RBM25: variants seen among roughly 807,000 people sequenced by gnomAD.
RBM25 encodes RNA binding motif protein 25, also known as RNA-binding protein 25.
In RBM25, 19 loss-of-function variants were observed where a neutral mutation model predicts 120.7. The observed-to-expected ratio is 0.16, with a 90% confidence interval of 0.11 to 0.23. RBM25 has a LOEUF of 0.23. Among genes scored for constraint, RBM25 ranks in the 10% least tolerant of loss-of-function variants. The pLI, the probability that RBM25 is intolerant of heterozygous loss-of-function variation, is 1.00. For synonymous variants in RBM25, 390 were observed against 326.7 expected (o/e 1.19, Z -2.09); for missense variants, 605 against 1,041.5 (o/e 0.58, Z 5.77).
At chr14:73,079,741 G>A (rs188681072) in intron 4 of RBM25, among the ~76,000 whole-genome samples, 1 of 150,824 alleles carries the variant, frequency 6.6e-6, no homozygotes, top group African/African-American at 2.4e-5. Context: ...TGGATCTCCT[G>A]GGCACTCTGT....
rs536882441 is a variant in RBM25 at position 73,092,998 on chromosome 14, C to G, written c.544-3917C>G. 3.7e-4 allele frequency among the ~76,000 whole-genome samples: 56 copies of G among 152,266 alleles called. 1 individual carries two copies. In the South Asian group the frequency reaches 7.3e-3, roughly 20 times the overall value. ...TTTTCTTTCCATTTCTTATTGACCTCTAGTAGTAAAGTATTCCATGTGAGG... is the reference window on the plus strand; with the variant it reads ...TTTTCTTTCCATTTCTTATTGACCTGTAGTAGTAAAGTATTCCATGTGAGG... On this transcript the variant is annotated intron_variant, in intron 6 of 18. Coordinates refer to ENST00000261973, the MANE Select transcript of RBM25 (RefSeq NM_021239.3).
At chr14:73,077,143 T>C (rs1895441951) in intron 3 of RBM25, among the ~76,000 whole-genome samples, 1 of 152,224 alleles carries the variant, frequency 6.6e-6, no homozygotes, top group South Asian at 2.1e-4. Context: ...TTTTTGTTTC[T>C]TTTTTAAGAA....
intron 4 of RBM25, among the ~76,000 whole-genome samples, chr14:73,080,742 T>C (rs1285058026): frequency 7.9e-5 from 12 of 152,130 alleles, no homozygotes; most frequent in African/African-American, 2.7e-4. Context: ...TGATAATAAG[T>C]ATTATTATGT....
intron 12 of RBM25, among the ~76,000 whole-genome samples, chr14:73,106,886 G>T (rs1001799272): frequency 4.0e-5 from 6 of 151,158 alleles, no homozygotes; most frequent in African/African-American, 1.5e-4. Context: ...TGCCACCCAG[G>T]CTGGGGTGTG....
In RBM25 at chr14:73,062,901, A is replaced by G. The variant is rs376481335; in HGVS notation, c.-16+4196A>G. Among the ~76,000 whole-genome samples, 75 of 149,846 alleles carry G rather than the reference A, an allele frequency of 5.0e-4. 1 individual carries two copies. The South Asian group carries it at 0.011, about 22-fold the overall frequency. On this transcript the variant is annotated intron_variant, in intron 1 of 18. Coordinates refer to ENST00000261973, the MANE Select transcript of RBM25 (RefSeq NM_021239.3). The stretch of plus-strand genomic sequence containing the variant: ...AGTGGTGTGAGCTCGGCTCATTGCA[A>G]CCTCCACCTCCCGGGCTCAAGCGAT...
At chr14:73,064,983 C>G (rs1191544587) in intron 1 of RBM25, 1 of 148,936 alleles carries the variant, frequency 6.7e-6, no homozygotes, top group Non-Finnish European at 1.5e-5. Flanking sequence ...CGGAGTCTTA[C>G]TCTGTCGTTC....
chr14:73,097,421 A>G (rs1227436996), intron 7 of RBM25, among the ~76,000 whole-genome samples: 2 of 151,842 alleles, frequency 1.3e-5, no homozygotes, highest in African/African-American at 2.4e-5. Context: ...GGATGGTCTC[A>G]ATCTCGTGAC....
chr14:73,065,742 CAG>C (rs763527931), intron 1 of RBM25, among the ~76,000 whole-genome samples: 27 of 149,048 alleles, frequency 1.8e-4, no homozygotes, highest in Admixed American at 5.3e-4. Context: ...TTAGTGGAGA[CAG>C]GGGTTTCACC....
At chr14:73,065,570 G>A (rs951267512) in intron 1 of RBM25, among the ~76,000 whole-genome samples, 9 of 152,132 alleles carry the variant, frequency 5.9e-5, no homozygotes, top group African/African-American at 1.2e-4. Context: ...GACTACAGGC[G>A]CACACTACCA....
intron 1 of RBM25, among the ~76,000 whole-genome samples, chr14:73,067,082 T>C (rs1895155203): frequency 6.6e-6 from 1 of 150,906 alleles, no homozygotes. Context: ...TTTTTTTTTT[T>C]TTTTTGATGT....
chr14:73,103,597 A>G, intron 10 of RBM25, 119 bp downstream of exon 10: 1 of 1,395,382 alleles, frequency 7.2e-7, no homozygotes, highest in Non-Finnish European at 9.4e-7. Context: ...AGACATTCTC[A>G]CTCTGTCACT....
intron 12 of RBM25, among the ~76,000 whole-genome samples, chr14:73,106,777 A>C (rs1896198033): frequency 2.0e-5 from 3 of 152,104 alleles, no homozygotes; most frequent in South Asian, 4.1e-4. Context: ...CTACCTTAAA[A>C]ATGGAATTAA....
At chr14:73,096,797 T>C in intron 6 of RBM25, 118 bp from the exon 7 acceptor site, 2 of 790,222 alleles carry the variant, frequency 2.5e-6, no homozygotes, top group Non-Finnish European at 4.0e-6. Context: ...ATTCTGTGTT[T>C]AATAGGACTA....
rs771363272 is a variant in RBM25, at chr14:73,114,352, A to G, written c.2439+19A>G. 7 of 1,538,288 alleles carry G rather than the reference A, an allele frequency of 4.6e-6. No homozygotes were observed. Among genetic ancestry groups the G allele is most frequent in the African/African-American group, 2.8e-5 (2 of 71,822 alleles). On this transcript the variant is annotated intron_variant, in intron 18 of 18. Transcript: ENST00000261973. ...TGCCATGGTAAGTTAGAAATTCACT[A>G]TTTTTATTTCTTTTAATTTAAAAAA... is the stretch of plus-strand genomic sequence containing the variant.
At chr14:73,108,566 G>A (rs1261409716) in intron 13 of RBM25, among the ~76,000 whole-genome samples, 2 of 152,094 alleles carry the variant, frequency 1.3e-5, no homozygotes, top group Non-Finnish European at 2.9e-5. Flanking sequence ...GTGACATTAT[G>A]CCAAAATTGC....
At chr14:73,088,816 TGTC>T (rs1361569161) in intron 6 of RBM25, among the ~76,000 whole-genome samples, 1 of 152,220 alleles carries the variant, frequency 6.6e-6, no homozygotes, top group Non-Finnish European at 1.5e-5. Context: ...AGTCTTTCGC[TGTC>T]GTCAAATTTT....
Position 73,107,897 on chromosome 14 carries a change from C to T in RBM25, c.1539C>T (p.Tyr513=). The change falls in exon 13 of 19, where the codon TAC becomes TAT. Residue 513 remains tyrosine (Y), a splice_region_variant and synonymous_variant. Transcript: ENST00000261973. ...ATGATAGAGATGACCCCAAATATTA[C>T]AGGTAAAGAAGGCTTGTTCTGTGGA... The part of the protein sequence containing the change: ...YDDDRDDPKY[Y]RGSALQKRLR... 1.9e-6 allele frequency: 3 copies of T among 1,583,872 alleles called. No individual in the cohort carries two copies. The highest frequency in any genetic ancestry group is 1.8e-5 in the Admixed American group (1 of 56,708).
intron 1 of RBM25, chr14:73,069,709 C>G (rs949984682): frequency 2.6e-5 from 3 of 115,482 alleles, no homozygotes; most frequent in African/African-American, 1.0e-4. Flanking sequence ...GTTGGGATTA[C>G]AGGCATGAGC....
At position 73,111,639 on chromosome 14, in the gene RBM25, G is replaced by C; in HGVS notation, c.2129G>C (p.Arg710Thr). 1 of 1,614,114 alleles carries C rather than the reference G, an allele frequency of 6.2e-7. No homozygotes were observed. Among genetic ancestry groups the C allele is most frequent in the Non-Finnish European group, 8.5e-7 (1 of 1,180,018 alleles). The part of the protein sequence containing the change: ...DEDSDDVPRK[R>T]KLVPLDYGED... ...GACAGTGATGACGTACCCCGAAAAAGGAAACTGGTTCCCTTGGATTATGGT... is the reference window on the plus strand; with the variant it reads ...GACAGTGATGACGTACCCCGAAAAACGAAACTGGTTCCCTTGGATTATGGT... Residue 710 changes from arginine (R) to threonine (T), a missense_variant, in exon 16 of 19, where the codon AGG becomes ACG. This residue lies in a region of RBM25 where 465 missense variants were observed against 741.6 expected (regional missense o/e 0.63). Transcript: ENST00000261973.
Sources: gnomAD v4.1 joint callset for allele counts (sites outside exome capture counted in the v4.1 genomes callset) on GRCh38, gnomAD v4.1.1 for gene constraint, gnomAD v4.1.1 regional missense constraint, MANE v1.5 for transcripts, NCBI Gene and HGNC (gene_info 2026-07-23, HGNC 2026-07-21) for gene names.